Variants in VSIG10L observed in about 807,000 individuals in gnomAD.
The protein encoded by VSIG10L is V-set and immunoglobulin domain containing 10 like.
In VSIG10L, 63 loss-of-function variants were observed where a neutral mutation model predicts 67.3. That is an observed-to-expected ratio of 0.94 (90% CI 0.76 to 1.15). The LOEUF (loss-of-function observed/expected upper bound fraction) is 1.15, where lower values mean the gene tolerates loss of function less well. Among genes scored for constraint, VSIG10L ranks in the 50% most tolerant of loss-of-function variants. The pLI, the probability that VSIG10L is intolerant of heterozygous loss-of-function variation, is 0.00. For missense variants in VSIG10L, 1,050 were observed against 1,177.5 expected, an observed-to-expected ratio of 0.89 and a Z score of 1.58; for synonymous variants, 499 against 524.9, an observed-to-expected ratio of 0.95 and a Z score of 0.67.
chr19:51,340,068 G>A lies in VSIG10L; in HGVS notation c.1421C>T (p.Ala474Val). ...GCGGCGGCGGCCGGTACGCGGGTTC[G>A]CCGCCAGGCAGGCGTAGGTGCCTGC... is the stretch of plus-strand genomic sequence containing the variant. The part of the protein sequence containing the change: ...GHAGTYACLA[A>V]NPRTGRRRRS... The change falls in exon 4 of 10, where the codon GCG becomes GTG. Residue 474 changes from alanine (A) to valine (V), a missense_variant. Around this residue, in one of 3 missense-constraint regions of VSIG10L, gnomAD observed 529 missense variants for 584.9 expected, o/e 0.90. Transcript: ENST00000335624. This position sits in a 1 kb window ranked among gnomAD's most constrained non-coding sequence, Gnocchi z 6.3. 4 of 1,433,254 alleles carry A rather than the reference G, an allele frequency of 2.8e-6. No homozygotes were observed. The highest frequency in any genetic ancestry group is 2.7e-6 in the Non-Finnish European group (3 of 1,094,966). The allele number at this position is 1,433,254 out of a possible 1,614,324, so 88.8% of individuals were successfully genotyped here. A position where few individuals can be genotyped will look rare whatever the true frequency, so the allele number is the denominator to read the frequency against.
rs1266571268 is a variant in VSIG10L at position 51,341,710 on chromosome 19, G to T, written c.338C>A (p.Thr113Asn). 1 of 1,551,564 alleles carries T rather than the reference G, an allele frequency of 6.4e-7. No individual in the cohort carries two copies. The highest frequency in any genetic ancestry group is 8.7e-7 in the Non-Finnish European group (1 of 1,146,988). Residue 113 changes from threonine (T) to asparagine (N), a missense_variant, in exon 2 of 10, where the codon ACC (threonine) becomes AAC (asparagine). Physicochemically the swap from Thr to Asn is moderately conservative, Grantham distance 65. This residue lies in a region of VSIG10L where 511 missense variants were observed against 557.9 expected (regional missense o/e 0.92). Transcript: ENST00000335624. ...ATCAGGAAATACTTCAGAACCAGGGGTTTCAGAGAAGGGGGAAACCGGGCT... is the reference window on the plus strand; with the variant it reads ...ATCAGGAAATACTTCAGAACCAGGGTTTTCAGAGAAGGGGGAAACCGGGCT... ...DLSPVSPFSE[T>N]PGSEVFPDIS...
chr19:51,339,174 G>C, intron 4 of VSIG10L, 32 bp from the exon 5 acceptor site: 1 of 1,270,096 alleles, frequency 7.9e-7, no homozygotes, highest in Non-Finnish European at 1.0e-6. Flanking sequence ...TGAAGATGGA[G>C]TCCCTTTCTC....
chr19:51,339,946 CT>C, intron 4 of VSIG10L, 68 bp downstream of exon 4: 1 of 1,247,446 alleles, frequency 8.0e-7, no homozygotes, highest in Non-Finnish European at 1.0e-6. Flanking sequence ...CCCCTTTCCT[CT>C]AGCCCCGCCC....
rs74947073 is a variant in VSIG10L, at chr19:51,335,300, C to G, written c.2306-996G>C. 2.0e-3 allele frequency among the ~76,000 whole-genome samples: 310 copies of G among 152,300 alleles called. 1 individual carries two copies. Among genetic ancestry groups the G allele is most frequent in the African/African-American group, 7.3e-3 (302 of 41,564 alleles). On this transcript the variant is annotated intron_variant, in intron 7 of 9. Coordinates refer to ENST00000335624, the MANE Select transcript of VSIG10L (RefSeq NM_001163922.3). ...CTTTTATGTAGAGCAGCCTCATGAT[C>G]TGATTTGCATAACTTTGGCTTCTGT...
At position 51,340,311 on chromosome 19, in the gene VSIG10L, AG is replaced by A; in HGVS notation, c.1190-13del. ...CGGGTCCGGGCCGTCTGGAGGGAGG[AG>A]GGGTCGGGACCGCGAGTGTCAGGGT... On this transcript the variant is annotated splice_polypyrimidine_tract_variant and intron_variant, in intron 3 of 9. Coordinates refer to ENST00000335624, the MANE Select transcript of VSIG10L (RefSeq NM_001163922.3). This position sits in a 1 kb window ranked among gnomAD's most constrained non-coding sequence, Gnocchi z 6.3. 1 of 1,506,976 alleles carries A rather than the reference AG, an allele frequency of 6.6e-7. No individual in the cohort carries two copies. The highest frequency in any genetic ancestry group is 8.8e-7 in the Non-Finnish European group (1 of 1,133,026). 93.4% of individuals were successfully genotyped at this position (1,506,976 alleles called of 1,614,324 possible).
At position 51,340,193 on chromosome 19, in the gene VSIG10L, C is replaced by T. The variant is rs1474765146; in HGVS notation, c.1296G>A (p.Ser432=). 2.8e-6 allele frequency: 4 copies of T among 1,449,196 alleles called. No homozygotes were observed. Among genetic ancestry groups the T allele is most frequent in the Non-Finnish European group, 3.6e-6 (4 of 1,106,328 alleles). The allele number at this position is 1,449,196 out of a possible 1,614,324, so 89.8% of individuals were successfully genotyped here. Reference sequence around the variant, plus strand: ...TCCACGTGATGTCGGCGGGCGGCCGCGAGGCGGCGGCGCAGCGCAAGGTCA... The same window carrying T: ...TCCACGTGATGTCGGCGGGCGGCCGTGAGGCGGCGGCGCAGCGCAAGGTCA... The part of the protein sequence containing the change: ...SNVTLRCAAA[S]RPPADITWSL... Residue 432 remains serine (S), a synonymous_variant, in exon 4 of 10, where the codon TCG becomes TCA. Coordinates refer to ENST00000335624, the MANE Select transcript of VSIG10L (RefSeq NM_001163922.3). This position sits in a 1 kb window ranked among gnomAD's most constrained non-coding sequence, Gnocchi z 6.3.
intron 7 of VSIG10L, among the ~76,000 whole-genome samples, chr19:51,335,901 C>T (rs1006290076): frequency 4.0e-5 from 6 of 151,830 alleles, no homozygotes; most frequent in African/African-American, 9.7e-5. Context: ...GACAGAGCAA[C>T]ACTCTGTCCA....
chr19:51,341,598 G>A lies in VSIG10L; in HGVS notation c.450C>T (p.Ser150=). ...TPASNISTQV[S]HTKLSVEAPD... Reference sequence around the variant, plus strand: ...GGGCCTCAACAGACAGTTTGGTATGGGAGACTTGAGTAGAAATGTTTGAAG... The same window carrying A: ...GGGCCTCAACAGACAGTTTGGTATGAGAGACTTGAGTAGAAATGTTTGAAG... Residue 150 remains serine (S), a synonymous_variant, in exon 2 of 10, where the codon TCC becomes TCT. Transcript: ENST00000335624. The A allele has an allele frequency of 6.4e-7, 1 of 1,551,730 alleles. No individual in the cohort carries two copies. The highest frequency in any genetic ancestry group is 8.7e-7 in the Non-Finnish European group (1 of 1,146,998).
intron 6 of VSIG10L, among the ~76,000 whole-genome samples, 163 bp from the exon 7 acceptor site, chr19:51,337,697 G>A (rs1985519461): frequency 6.7e-6 from 1 of 150,140 alleles, no homozygotes; most frequent in Admixed American, 6.6e-5. Flanking sequence ...TCTGAGGGTG[G>A]AAGGGGCTGG....
At chr19:51,338,855 G>C (rs529984054) in intron 5 of VSIG10L, 33 bp downstream of exon 5, 24 of 1,355,326 alleles carry the variant, frequency 1.8e-5, no homozygotes, top group Admixed American at 3.8e-5. Context: ...CCTCCTCCTC[G>C]AGAAACAGCA....
intron 7 of VSIG10L, 24 bp downstream of exon 7, chr19:51,337,214 T>C (rs1985503355): frequency 5.9e-6 from 9 of 1,530,348 alleles, no homozygotes; most frequent in Non-Finnish European, 7.0e-6. Flanking sequence ...ACAGAGAAGG[T>C]CTACTCTGAC....
At chr19:51,332,815 C>A (rs982283775) in intron 9 of VSIG10L, among the ~76,000 whole-genome samples, 175 bp from the exon 10 acceptor site, 6 of 152,094 alleles carry the variant, frequency 3.9e-5, no homozygotes, top group Non-Finnish European at 7.4e-5. Flanking sequence ...CGAAGCCAGC[C>A]AACAACCCAA....
chr19:51,333,925 T>G lies in VSIG10L; in HGVS notation c.2440A>C (p.Lys814Gln). The part of the protein sequence containing the change: ...RFRGKTPEKK[K>Q]HPSTLVPVVT... ...ACGGGGACCAAGGTAGAAGGATGCT[T>G]CTTTTTCTCAGGAGTCTTTCCTGAT... Residue 814 changes from lysine to glutamine, a missense_variant, in exon 9 of 10, where the codon AAG (lysine) becomes CAG (glutamine). Around this residue, in one of 3 missense-constraint regions of VSIG10L, gnomAD observed 529 missense variants for 584.9 expected, o/e 0.90. Transcript: ENST00000335624. The G allele has an allele frequency of 1.3e-6, 2 of 1,551,520 alleles. No homozygotes were observed. The highest frequency in any genetic ancestry group is 1.7e-6 in the Non-Finnish European group (2 of 1,146,956).
intron 9 of VSIG10L, among the ~76,000 whole-genome samples, chr19:51,333,118 G>A (rs1985396731): frequency 6.6e-6 from 1 of 152,110 alleles, no homozygotes; most frequent in Admixed American, 6.5e-5. Context: ...CCGAAGTGCT[G>A]GGATTACAGG....
chr19:51,337,863 T>G, intron 6 of VSIG10L, 67 bp downstream of exon 6: 1 of 1,472,986 alleles, frequency 6.8e-7, no homozygotes, highest in Admixed American at 2.5e-5. Context: ...GGCCTGAACT[T>G]CTGGGTCTGA....
intron 4 of VSIG10L, among the ~76,000 whole-genome samples, chr19:51,339,497 C>G (rs1231121747): frequency 6.6e-6 from 1 of 152,148 alleles, no homozygotes; most frequent in Non-Finnish European, 1.5e-5. Flanking sequence ...CAGATATCTC[C>G]GCCCTTCCTT....
intron 5 of VSIG10L, among the ~76,000 whole-genome samples, chr19:51,338,520 G>C (rs1568462666): frequency 6.6e-6 from 1 of 152,056 alleles, no homozygotes; most frequent in East Asian, 1.9e-4. Context: ...ACAAGACTGG[G>C]TCTTGCCACA....
intron 6 of VSIG10L, 105 bp downstream of exon 6, chr19:51,337,825 T>G: frequency 7.2e-7 from 1 of 1,382,484 alleles, no homozygotes; most frequent in East Asian, 2.5e-5. Flanking sequence ...GGGGCCTGGA[T>G]CCGAGGTCTG....
Position 51,334,174 on chromosome 19 carries a change from C to T in VSIG10L, c.2419+17G>A, listed in dbSNP as rs1985424592. ...CCCGTTGGTCATGGTTGCCCCTTCC[C>T]CAGTCCCCTTGCTCACCACGAAAGC... On this transcript the variant is annotated intron_variant, in intron 8 of 9. Transcript: ENST00000335624. The T allele has an allele frequency of 7.1e-6, 11 of 1,551,446 alleles. No individual in the cohort carries two copies. The highest frequency in any genetic ancestry group is 8.7e-6 in the Non-Finnish European group (10 of 1,146,748).
Sources: allele counts gnomAD v4.1 joint callset (sites outside exome capture counted in the v4.1 genomes callset), GRCh38; gene constraint gnomAD v4.1.1; regional missense constraint gnomAD v4.1.1; non-coding constraint Gnocchi (gnomAD v3.1); transcripts MANE v1.5; gene names NCBI Gene and HGNC (gene_info 2026-07-23, HGNC 2026-07-21).